SNTB1: variants seen among roughly 807,000 people sequenced by gnomAD.
SNTB1 encodes syntrophin beta 1.
A neutral mutation model predicts 48.9 loss-of-function variants in SNTB1; 36 were observed. That is an observed-to-expected ratio of 0.74 (90% CI 0.56 to 0.97). The LOEUF is 0.97. SNTB1 is among the 50% of genes least tolerant of loss of function. SNTB1 has a pLI of 0.00. For missense variants in SNTB1, 786 were observed against 703.4 expected, an observed-to-expected ratio of 1.12 and a Z score of -1.33; for synonymous variants, 299 against 294.6, an observed-to-expected ratio of 1.01 and a Z score of -0.15.
intron 4 of SNTB1, among the ~76,000 whole-genome samples, chr8:120,565,115 A>C (rs1452144378): frequency 4.8e-5 from 7 of 146,926 alleles, no homozygotes; most frequent in Non-Finnish European, 6.0e-5. Flanking sequence ...AACAGGATGG[A>C]TTTTAAAAGT....
intron 2 of SNTB1, among the ~76,000 whole-genome samples, chr8:120,653,866 C>T (rs1019057612): frequency 2.0e-5 from 3 of 151,208 alleles, no homozygotes; most frequent in Non-Finnish European, 4.4e-5. Flanking sequence ...GGTGAAACCC[C>T]GTCTCTACTA....
intron 3 of SNTB1, among the ~76,000 whole-genome samples, chr8:120,587,655 C>T (rs1816170158): frequency 6.6e-6 from 1 of 152,208 alleles, no homozygotes; most frequent in Non-Finnish European, 1.5e-5. Context: ...ACCGTTTAAG[C>T]ATCATTGTTT....
At chr8:120,695,065 G>A (rs1322624735) in intron 1 of SNTB1, among the ~76,000 whole-genome samples, 2 of 152,144 alleles carry the variant, frequency 1.3e-5, no homozygotes, top group African/African-American at 2.4e-5. Context: ...ACAGGGCAAC[G>A]AGATTCTTGG....
At chr8:120,571,751 G>A (rs1247341282) in intron 4 of SNTB1, among the ~76,000 whole-genome samples, 5 of 151,962 alleles carry the variant, frequency 3.3e-5, no homozygotes, top group South Asian at 2.1e-4. Context: ...TGCCCTCCTC[G>A]GCCTCCCAGA....
At chr8:120,588,530 CAT>C (rs977667747) in intron 3 of SNTB1, among the ~76,000 whole-genome samples, 2 of 57,602 alleles carry the variant, frequency 3.5e-5, no homozygotes, top group Non-Finnish European at 4.7e-5. Context: ...TGGGAATAGC[CAT>C]TTTTTTTTTT....
chr8:120,793,124 T>A (rs1345220760), intron 1 of SNTB1, among the ~76,000 whole-genome samples: 9 of 151,360 alleles, frequency 5.9e-5, no homozygotes, highest in Non-Finnish European at 4.4e-5. Context: ...GCAACTGGGA[T>A]GGAATGAGTT....
At chr8:120,574,823 G>A (rs1815924494) in intron 4 of SNTB1, among the ~76,000 whole-genome samples, 1 of 152,148 alleles carries the variant, frequency 6.6e-6, no homozygotes, top group African/African-American at 2.4e-5. Context: ...GACCCAGGAA[G>A]GCGGCTAGAT....
chr8:120,808,966 C>G (rs372359887), intron 1 of SNTB1, among the ~76,000 whole-genome samples: 1 of 152,126 alleles, frequency 6.6e-6, no homozygotes, highest in South Asian at 2.1e-4. Context: ...CCCTGCCATA[C>G]AACCAGATTA....
chr8:120,662,289 A>G (rs766249661), intron 2 of SNTB1, among the ~76,000 whole-genome samples: 1 of 152,222 alleles, frequency 6.6e-6, no homozygotes, highest in Admixed American at 6.5e-5. Context: ...CAAATGTTCA[A>G]CTCAAGTTTT....
chr8:120,702,240 G>A lies in SNTB1; in HGVS notation c.572-8332C>T, dbSNP rs147849702. 1.6e-4 allele frequency among the ~76,000 whole-genome samples: 25 copies of A among 152,252 alleles called. No homozygotes were observed. The East Asian group carries it at 4.5e-3, about 27-fold the overall frequency. On this transcript the variant is annotated intron_variant, in intron 1 of 6. Coordinates refer to ENST00000517992, the MANE Select transcript of SNTB1 (RefSeq NM_021021.4). ...GGCACAGGGTGGAGACATTAAACAA[G>A]CAGACAATATAGGGCATTGCTCAGA...
chr8:120,677,309 T>C (rs78350231), intron 2 of SNTB1, among the ~76,000 whole-genome samples: 2,132 of 152,270 alleles, frequency 0.014, 48 homozygotes, highest in African/African-American at 0.049. Context: ...AAGCCATACA[T>C]GGCCTTGGAA....
chr8:120,689,705 T>C (rs990426468), intron 2 of SNTB1, among the ~76,000 whole-genome samples: 2 of 152,202 alleles, frequency 1.3e-5, no homozygotes, highest in Non-Finnish European at 2.9e-5. Flanking sequence ...TATAGTTCCC[T>C]TTTGACCCAA....
chr8:120,715,794 T>C (rs1259498938), intron 1 of SNTB1, among the ~76,000 whole-genome samples: 4 of 152,324 alleles, frequency 2.6e-5, no homozygotes, highest in Non-Finnish European at 4.4e-5. Context: ...CCTTTATTCG[T>C]GATGCCGTCC....
At chr8:120,660,020 TA>T (rs1253060875) in intron 2 of SNTB1, among the ~76,000 whole-genome samples, 1 of 152,182 alleles carries the variant, frequency 6.6e-6, no homozygotes, top group Non-Finnish European at 1.5e-5. Flanking sequence ...AACCATACTA[TA>T]AACAGATGTG....
intron 1 of SNTB1, among the ~76,000 whole-genome samples, chr8:120,777,028 T>C (rs934377845): frequency 7.2e-5 from 11 of 152,140 alleles, no homozygotes; most frequent in Non-Finnish European, 1.6e-4. Flanking sequence ...AAGCATCTAA[T>C]ACCAATCTTC....
At position 120,669,443 on chromosome 8, in the gene SNTB1, GT is replaced by G. The variant is rs1182227923; in HGVS notation, c.788+24248del. Among the ~76,000 whole-genome samples the G allele has an allele frequency of 3.4e-3, 283 of 82,278 alleles. 13 individuals carry two copies. Among genetic ancestry groups the G allele is most frequent in the Non-Finnish European group, 4.9e-3 (238 of 48,712 alleles). The allele number at this position is 82,278 out of a possible 152,430, so 54.0% of individuals were successfully genotyped here. On this transcript the variant is annotated intron_variant, in intron 2 of 6. Coordinates refer to ENST00000517992, the MANE Select transcript of SNTB1 (RefSeq NM_021021.4). ...TGATCTATTCAAAATGAAAATGCTTGTTTTTTTTTTTTTTTTTTTTGAGACG... is the reference window on the plus strand; with the variant it reads ...TGATCTATTCAAAATGAAAATGCTTGTTTTTTTTTTTTTTTTTTTGAGACG...
At chr8:120,609,358 C>A (rs1816580917) in intron 3 of SNTB1, among the ~76,000 whole-genome samples, 1 of 152,146 alleles carries the variant, frequency 6.6e-6, no homozygotes, top group Non-Finnish European at 1.5e-5. Flanking sequence ...AGGCGTAGGT[C>A]CATACTAGAG....
intron 1 of SNTB1, among the ~76,000 whole-genome samples, chr8:120,708,523 A>G (rs1818414179): frequency 6.6e-6 from 1 of 152,104 alleles, no homozygotes; most frequent in South Asian, 2.1e-4. Context: ...TTGCCCATCC[A>G]TTTTCCTAAA....
chr8:120,709,371 G>A lies in SNTB1; in HGVS notation c.572-15463C>T, dbSNP rs147309753. 1.2e-3 allele frequency among the ~76,000 whole-genome samples: 179 copies of A among 152,234 alleles called. 2 individuals are homozygous for A. Among genetic ancestry groups the A allele is most frequent in the African/African-American group, 4.3e-3 (177 of 41,542 alleles). On this transcript the variant is annotated intron_variant, in intron 1 of 6. Transcript: ENST00000517992. ...GAGAGTGAACTATTTCAGTTTTGGA[G>A]ATGTGAGGTTTGAGCTGTGGACAGA...
Sources: gnomAD v4.1 joint callset for allele counts (sites outside exome capture counted in the v4.1 genomes callset) on GRCh38, gnomAD v4.1.1 for gene constraint, MANE v1.5 for transcripts, NCBI Gene and HGNC (gene_info 2026-07-23, HGNC 2026-07-21) for gene names.